PCDHGA6: variants seen among roughly 807,000 people sequenced by gnomAD.
PCDHGA6 encodes the protein protocadherin gamma subfamily A, 6.
PCDHGA6 carries 41 observed loss-of-function variants against 60.6 expected under a neutral mutation model. The ratio of observed to expected loss-of-function variants is 0.68; its 90% CI spans 0.53 to 0.88. PCDHGA6 has a LOEUF of 0.88. Ranked by LOEUF, PCDHGA6 falls within the 40% of genes least tolerant of loss-of-function variation. The probability of loss-of-function intolerance (pLI) is 0.00; values close to 1 mark genes in which losing one functional copy is unlikely to be tolerated. For synonymous variants in PCDHGA6, 594 were observed against 524.4 expected, an observed-to-expected ratio of 1.13 and a Z score of -1.81; for missense variants, 1,312 against 1,203.0, an observed-to-expected ratio of 1.09 and a Z score of -1.34.
chr5:141,460,959 A>G (rs892536901), intron 1 of PCDHGA6, among the ~76,000 whole-genome samples: 2 of 126,082 alleles, frequency 1.6e-5, no homozygotes, highest in African/African-American at 7.1e-5. Context: ...ATGTATATAT[A>G]TATGTGTGTG....
intron 1 of PCDHGA6, among the ~76,000 whole-genome samples, chr5:141,462,160 A>T (rs575238638): frequency 4.6e-5 from 7 of 152,122 alleles, no homozygotes; most frequent in Non-Finnish European, 1.0e-4. Flanking sequence ...GGGTTTCATC[A>T]TGTTGGCCAG....
At chr5:141,420,076 TC>T (rs2096464805) in intron 1 of PCDHGA6, 2 of 1,613,956 alleles carry the variant, frequency 1.2e-6, no homozygotes, top group East Asian at 2.2e-5. Flanking sequence ...GACCTGTGGG[TC>T]CCCCCAACTA....
chr5:141,375,811 G>T lies in PCDHGA6; in HGVS notation c.1728G>T (p.Glu576Asp). Residue 576 changes from glutamate (E) to aspartate (D), a missense_variant, in exon 1 of 4, where the codon GAG (glutamate) becomes GAT (aspartate). Coordinates refer to ENST00000517434, the MANE Select transcript of PCDHGA6 (RefSeq NM_018919.3). ...CCACAGACGGTTCCACTGGCGTGGAGCTGGCGCCCCGCTCCGCAGAGCCCG... is the reference window on the plus strand; with the variant it reads ...CCACAGACGGTTCCACTGGCGTGGATCTGGCGCCCCGCTCCGCAGAGCCCG... ...ALPTDGSTGVELAPRSAEPGY... is the reference protein window; with the variant it reads ...ALPTDGSTGVDLAPRSAEPGY... 1 of 1,614,224 alleles carries T rather than the reference G, an allele frequency of 6.2e-7. No individual in the cohort carries two copies. Among genetic ancestry groups the T allele is most frequent in the South Asian group, 1.1e-5 (1 of 91,088 alleles).
chr5:141,471,404 TTA>T (rs1320685792), intron 1 of PCDHGA6: 3 of 152,170 alleles, frequency 2.0e-5, no homozygotes, highest in Non-Finnish European at 4.4e-5. Flanking sequence ...GTAGCTAGGC[TTA>T]GTTATGTTTT....
chr5:141,374,622 T>A lies in PCDHGA6; in HGVS notation c.539T>A (p.Val180Glu). Residue 180 changes from valine (V) to glutamate (E), a missense_variant, in exon 1 of 4, where the codon GTG becomes GAG. Val to Glu is a moderately radical substitution (Grantham distance 121). Transcript: ENST00000517434. ...CTCAGTGGTAATAGTCACTTCTCAGTGGACGTGCAAAGCGAAGCCCATGGG... is the reference window on the plus strand; with the variant it reads ...CTCAGTGGTAATAGTCACTTCTCAGAGGACGTGCAAAGCGAAGCCCATGGG... ...FKLSGNSHFSVDVQSEAHGPK... is the reference protein window; with the variant it reads ...FKLSGNSHFSEDVQSEAHGPK... 3 of 1,613,470 alleles carry A rather than the reference T, an allele frequency of 1.9e-6. No homozygotes were observed. The highest frequency in any genetic ancestry group is 2.5e-6 in the Non-Finnish European group (3 of 1,179,642).
At position 141,432,003 on chromosome 5, in the gene PCDHGA6, T is replaced by A; in HGVS notation, c.2424+55496T>A. On this transcript the variant is annotated intron_variant, in intron 1 of 3. Coordinates refer to ENST00000517434, the MANE Select transcript of PCDHGA6 (RefSeq NM_018919.3). This position sits in a 1 kb window ranked among gnomAD's most constrained non-coding sequence, Gnocchi z 6.0. ...GACATAGTCTTGGATAGGGAACAGG[T>A]TCCTAGCTACAACATCACAGTGACC... The A allele has an allele frequency of 6.2e-7, 1 of 1,614,116 alleles. No individual in the cohort carries two copies.
chr5:141,487,933 A>ACCCTGTG lies in PCDHGA6; in HGVS notation c.2425-6873_2425-6872insCCTGTGC. 1.6e-6 allele frequency: 1 copy of ACCCTGTG among 612,004 alleles called. No individual in the cohort carries two copies. The highest frequency in any genetic ancestry group is 1.8e-5 in the African/African-American group (1 of 54,216). The allele number at this position is 612,004 out of a possible 1,614,324, so 37.9% of individuals were successfully genotyped here. On this transcript the variant is annotated intron_variant, in intron 1 of 3. Coordinates refer to ENST00000517434, the MANE Select transcript of PCDHGA6 (RefSeq NM_018919.3). The surrounding 1 kb of genome is among the most constrained non-coding windows in gnomAD (Gnocchi z 5.0). ...CACAGGAGGCTACAGTGCACAGGGT[A>ACCCTGTG]CAGTGCACCAGGCAGTCACTTGGAC... is the stretch of plus-strand genomic sequence containing the variant.
chr5:141,450,278 G>C (rs977381598), intron 1 of PCDHGA6, among the ~76,000 whole-genome samples: 1 of 152,026 alleles, frequency 6.6e-6, no homozygotes, highest in African/African-American at 2.4e-5. Flanking sequence ...TCAGCTAAGT[G>C]CTGGGATTAC....
At chr5:141,380,618 G>A (rs531927290) in intron 1 of PCDHGA6, among the ~76,000 whole-genome samples, 15 of 152,210 alleles carry the variant, frequency 9.9e-5, no homozygotes, top group South Asian at 4.1e-4. Flanking sequence ...TATGATGTTC[G>A]ATAACTTAGA....
rs765263883 is a variant in PCDHGA6 at position 141,491,018 on chromosome 5, C to T, written c.2425-3789C>T. On this transcript the variant is annotated intron_variant, in intron 1 of 3. Coordinates refer to ENST00000517434, the MANE Select transcript of PCDHGA6 (RefSeq NM_018919.3). This position sits in a 1 kb window ranked among gnomAD's most constrained non-coding sequence, Gnocchi z 6.9. The stretch of plus-strand genomic sequence containing the variant: ...CCTGGCTCCTTGGTCACCAAGGTGA[C>T]AGCCGTGGATGCTGATGCAGGCCAC... 1.2e-6 allele frequency: 2 copies of T among 1,614,146 alleles called. No individual in the cohort carries two copies. The highest frequency in any genetic ancestry group is 1.7e-6 in the Non-Finnish European group (2 of 1,180,042).
intron 1 of PCDHGA6, among the ~76,000 whole-genome samples, chr5:141,469,088 G>A (rs1388316490): frequency 6.6e-6 from 1 of 151,604 alleles, no homozygotes; most frequent in Non-Finnish European, 1.5e-5. Context: ...ACCATTCTAG[G>A]CAACAAAGCA....
At chr5:141,402,953 A>G in intron 1 of PCDHGA6, 3 of 1,597,298 alleles carry the variant, frequency 1.9e-6, no homozygotes, top group Middle Eastern at 1.7e-4. Context: ...CGAGGCAGCA[A>G]TGGCAGCTCC....
In PCDHGA6 at chr5:141,511,106, G is replaced by A. The variant is rs536900646; in HGVS notation, c.2732G>A (p.Arg911Gln). 4.6e-5 allele frequency: 75 copies of A among 1,614,196 alleles called. No individual in the cohort carries two copies. In the East Asian group the frequency reaches 5.8e-4, roughly 12 times the overall value. Reference protein sequence around the residue: ...NATLTNAAGKRDGKAPAGGNG... With the variant: ...NATLTNAAGKQDGKAPAGGNG... ...ACACTGACCAACGCAGCTGGCAAGC[G>A]GGATGGCAAGGCCCCAGCAGGTGGC... The change falls in exon 4 of 4, where the codon CGG (arginine) becomes CAG (glutamine). Residue 911 changes from arginine (R) to glutamine (Q), a missense_variant. Coordinates refer to ENST00000517434, the MANE Select transcript of PCDHGA6 (RefSeq NM_018919.3).
chr5:141,381,153 G>A (rs1345573365), intron 1 of PCDHGA6, among the ~76,000 whole-genome samples: 3 of 152,196 alleles, frequency 2.0e-5, no homozygotes, highest in Non-Finnish European at 4.4e-5. Context: ...GCAGAAATAG[G>A]TTACTTAGGA....
intron 1 of PCDHGA6, chr5:141,384,884 T>C (rs759644846): frequency 6.2e-7 from 1 of 1,613,846 alleles, no homozygotes; most frequent in East Asian, 2.2e-5. Context: ...ACACTCACCG[T>C]GGCTGTGGCT....
chr5:141,448,394 T>A (rs1360417681), intron 1 of PCDHGA6, among the ~76,000 whole-genome samples: 2 of 152,206 alleles, frequency 1.3e-5, no homozygotes, highest in Admixed American at 6.5e-5. Context: ...TACATTTACA[T>A]GGTTTTAAAA....
intron 1 of PCDHGA6, chr5:141,440,535 G>A (rs1305958587): frequency 1.3e-5 from 2 of 152,154 alleles, no homozygotes; most frequent in East Asian, 1.9e-4. Flanking sequence ...CATGCACCAC[G>A]GTTCAGCAGG....
At chr5:141,390,887 T>A (rs547559021) in intron 1 of PCDHGA6, 2,724 of 151,184 alleles carry the variant, frequency 0.018, 30 homozygotes, top group African/African-American at 0.021. Flanking sequence ...TGTGTGTGTG[T>A]GAGAGAGATC....
At chr5:141,406,989 T>C (rs1402069577) in intron 1 of PCDHGA6, among the ~76,000 whole-genome samples, 2 of 152,236 alleles carry the variant, frequency 1.3e-5, no homozygotes, top group Non-Finnish European at 2.9e-5. Context: ...TCACAAGACA[T>C]TTGAAAATAA....
Sources: gnomAD v4.1 joint callset for allele counts (sites outside exome capture counted in the v4.1 genomes callset) on GRCh38, gnomAD v4.1.1 for gene constraint, Gnocchi (gnomAD v3.1) non-coding constraint, MANE v1.5 for transcripts, NCBI Gene and HGNC (gene_info 2026-07-23, HGNC 2026-07-21) for gene names.